ZFP37: variants seen among roughly 807,000 people sequenced by gnomAD.
ZFP37 encodes the protein ZFP37 zinc finger protein, also known as zinc finger protein 37 homolog.
ZFP37 carries 38 observed loss-of-function variants against 52.1 expected under a neutral mutation model. That is an observed-to-expected ratio of 0.73 (90% confidence interval 0.56 to 0.96). The LOEUF (loss-of-function observed/expected upper bound fraction) is 0.96. Ranked by LOEUF, ZFP37 falls within the 40% of genes least tolerant of loss-of-function variation. The probability of loss-of-function intolerance (pLI) is 0.00; values close to 1 mark genes in which losing one functional copy is unlikely to be tolerated. For missense variants in ZFP37, 695 were observed against 741.4 expected (o/e 0.94, Z 0.73); for synonymous variants, 253 against 259.5 (o/e 0.98, Z 0.24).
At position 113,042,770 on chromosome 9, in the gene ZFP37, T is replaced by C. The variant is rs747422532; in HGVS notation, c.1848A>G (p.Leu616=). ...CTGAATGAGTTTTCACATGTTTGGT[T>C]AGGGATGCATTTTGTTTGAAAGTTT... is the stretch of plus-strand genomic sequence containing the variant. The part of the protein sequence containing the change: ...CGKTFKQNAS[L]TKHVKTHSED... The change falls in exon 4 of 4, where the codon CTA becomes CTG. Residue 616 remains leucine, a synonymous_variant. Coordinates refer to ENST00000374227, the MANE Select transcript of ZFP37 (RefSeq NM_003408.3). 8.1e-6 allele frequency: 13 copies of C among 1,603,648 alleles called. No individual in the cohort carries two copies. Among genetic ancestry groups the C allele is most frequent in the Non-Finnish European group, 1.1e-5 (13 of 1,174,940 alleles).
rs750108388 is a variant in ZFP37, at chr9:113,042,890, G to A, written c.1728C>T (p.Asn576=). The A allele has an allele frequency of 2.4e-5, 39 of 1,613,674 alleles. No homozygotes were observed. The highest frequency in any genetic ancestry group is 1.3e-4 in the East Asian group (6 of 44,838). ...TTGCATTAAAGGCTTTTTCACATTCGTTACATTCATAAGGTTTCTCCCCAG... is the reference window on the plus strand; with the variant it reads ...TTGCATTAAAGGCTTTTTCACATTCATTACATTCATAAGGTTTCTCCCCAG... ...THTGEKPYEC[N]ECEKAFNAKS... The change falls in exon 4 of 4, where the codon AAC becomes AAT. Residue 576 remains asparagine (N), a synonymous_variant. Coordinates refer to ENST00000374227, the MANE Select transcript of ZFP37 (RefSeq NM_003408.3).
Position 113,039,049 on chromosome 9 carries a change from A to G in ZFP37, c.*3676T>C, listed in dbSNP as rs1217076055. On this transcript the variant is annotated 3_prime_UTR_variant, in exon 4 of 4. Transcript: ENST00000374227. Reference sequence around the variant, plus strand: ...GTTTGAAATTGTGGTTTTTAATGTCATATTACTCAATTTTTGAAGGAATCA... The same window carrying G: ...GTTTGAAATTGTGGTTTTTAATGTCGTATTACTCAATTTTTGAAGGAATCA... 6.6e-6 allele frequency: 1 copy of G among 152,178 alleles called. No individual in the cohort carries two copies. The highest frequency in any genetic ancestry group is 1.5e-5 in the Non-Finnish European group (1 of 68,018). The allele number at this position is 152,178 out of a possible 1,614,324, so 9.4% of individuals were successfully genotyped here. A position where few individuals can be genotyped will look rare whatever the true frequency, so the allele number is the denominator to read the frequency against.
intron 1 of ZFP37, 152 bp downstream of exon 1, chr9:113,056,405 C>A: frequency 1.5e-6 from 2 of 1,294,308 alleles, no homozygotes; most frequent in Non-Finnish European, 2.1e-6. Context: ...ATTAACCCCA[C>A]AGATAACTCA....
At position 113,043,021 on chromosome 9, in the gene ZFP37, T is replaced by G. The variant is rs2118683357; in HGVS notation, c.1597A>C (p.Thr533Pro). The G allele has an allele frequency of 7.4e-6, 12 of 1,613,804 alleles. No homozygotes were observed. Among genetic ancestry groups the G allele is most frequent in the Non-Finnish European group, 1.0e-5 (12 of 1,179,940 alleles). The stretch of plus-strand genomic sequence containing the variant: ...CCAGTATGAACTCTCTGATGTTGAG[T>G]AAGGCCTTCAATTTGTTTAAAGCCT... ...GKGFKQIEGL[T>P]QHQRVHTGEK... Residue 533 changes from threonine to proline, a missense_variant, in exon 4 of 4, where the codon ACT becomes CCT. By Grantham distance (38) the Thr-to-Pro change is conservative. Around this residue, in one of 2 missense-constraint regions of ZFP37, gnomAD observed 326 missense variants for 400.5 expected, o/e 0.81. Transcript: ENST00000374227.
At chr9:113,055,309 C>G (rs1049502686) in intron 1 of ZFP37, among the ~76,000 whole-genome samples, 5 of 152,160 alleles carry the variant, frequency 3.3e-5, no homozygotes, top group African/African-American at 9.7e-5. Context: ...TCATGCACTC[C>G]CTACCCTCAA....
At chr9:113,053,086 T>C (rs1393278818) in intron 1 of ZFP37, among the ~76,000 whole-genome samples, 1 of 152,196 alleles carries the variant, frequency 6.6e-6, no homozygotes, top group African/African-American at 2.4e-5. Flanking sequence ...CACCTATTCA[T>C]CAATTATCTG....
Position 113,043,948 on chromosome 9 carries a change from T to A in ZFP37, c.670A>T (p.Lys224Ter). ...HSLSDTRKGK[K>*]QTGKKHEKLS... ...TTCTCATGTTTCTTTCCAGTTTGCT[T>A]TTTGCCTTTCCTTGTATCAGATAAG... Residue 224 changes from lysine to a stop codon, truncating the protein, a stop_gained, in exon 4 of 4, where the codon AAG (lysine) becomes TAG (stop). Transcript: ENST00000374227. LOFTEE classifies it high-confidence loss of function. 6.2e-7 allele frequency: 1 copy of A among 1,614,072 alleles called. No individual in the cohort carries two copies. The highest frequency in any genetic ancestry group is 8.5e-7 in the Non-Finnish European group (1 of 1,179,940).
chr9:113,047,321 A>G (rs1487884468), intron 3 of ZFP37, among the ~76,000 whole-genome samples: 1 of 152,222 alleles, frequency 6.6e-6, no homozygotes, highest in East Asian at 1.9e-4. Flanking sequence ...CTCTGGTCTC[A>G]GGGAATTCAT....
intron 1 of ZFP37, among the ~76,000 whole-genome samples, chr9:113,055,891 A>G: frequency 6.6e-6 from 1 of 152,120 alleles, no homozygotes; most frequent in South Asian, 2.1e-4. Flanking sequence ...ACTGCTAGAC[A>G]CCACCTAATT....
chr9:113,056,520 T>C (rs773597889), intron 1 of ZFP37, 37 bp downstream of exon 1: 3 of 1,607,798 alleles, frequency 1.9e-6, no homozygotes, highest in Non-Finnish European at 2.5e-6. Flanking sequence ...ACACCATCTC[T>C]GACCGCCAAA....
rs901093686 is a variant in ZFP37, at chr9:113,041,152, C to G, written c.*1573G>C. The G allele has an allele frequency of 1.3e-5, 2 of 152,110 alleles. No homozygotes were observed. The highest frequency in any genetic ancestry group is 1.9e-4 in the East Asian group (1 of 5,188). The allele number at this position is 152,110 out of a possible 1,614,324, so 9.4% of individuals were successfully genotyped here. On this transcript the variant is annotated 3_prime_UTR_variant, in exon 4 of 4. Transcript: ENST00000374227. ...TTCATTGTGTTGGCTAGTCTGATCT[C>G]AAACTCCTGGCCTCAAGTGATCCAC...
Position 113,049,882 on chromosome 9 carries a change from A to G in ZFP37, c.133-10T>C, listed in dbSNP as rs757250018. 2 of 1,613,936 alleles carry G rather than the reference A, an allele frequency of 1.2e-6. No homozygotes were observed. Among genetic ancestry groups the G allele is most frequent in the African/African-American group, 2.7e-5 (2 of 74,932 alleles). ...CCAGTTGCTTCCATTCCTTCTGGGT[A>G]AAGGCCATAGTCACATGTTTGAATG... On this transcript the variant is annotated splice_polypyrimidine_tract_variant and intron_variant, in intron 1 of 3. Coordinates refer to ENST00000374227, the MANE Select transcript of ZFP37 (RefSeq NM_003408.3).
Position 113,043,238 on chromosome 9 carries a change from G to A in ZFP37, c.1380C>T (p.Pro460=). The A allele has an allele frequency of 6.2e-7, 1 of 1,613,862 alleles. No homozygotes were observed. Among genetic ancestry groups the A allele is most frequent in the Non-Finnish European group, 8.5e-7 (1 of 1,179,956 alleles). The change falls in exon 4 of 4, where the codon CCC becomes CCT. Residue 460 remains proline (P), a synonymous_variant. Coordinates refer to ENST00000374227, the MANE Select transcript of ZFP37 (RefSeq NM_003408.3). ...CTTTCCCACATTCATTACATTCAAAGGGTTTCTCACCTGTATGAATTCTCA... is the reference window on the plus strand; with the variant it reads ...CTTTCCCACATTCATTACATTCAAAAGGTTTCTCACCTGTATGAATTCTCA... ...KHMRIHTGEK[P]FECNECGKAF... is the part of the protein sequence containing the mutation.
intron 3 of ZFP37, among the ~76,000 whole-genome samples, chr9:113,048,832 T>C (rs1188565491): frequency 6.6e-6 from 1 of 152,140 alleles, no homozygotes; most frequent in Non-Finnish European, 1.5e-5. Context: ...TAATAAAATA[T>C]GAGCTGAAAG....
At chr9:113,054,156 T>A (rs371491346) in intron 1 of ZFP37, among the ~76,000 whole-genome samples, 10 of 152,186 alleles carry the variant, frequency 6.6e-5, no homozygotes, top group African/African-American at 2.4e-4. Context: ...TTGAGCTACA[T>A]ACTGACAAAA....
At chr9:113,055,977 T>A (rs1282977603) in intron 1 of ZFP37, among the ~76,000 whole-genome samples, 2 of 151,808 alleles carry the variant, frequency 1.3e-5, no homozygotes, top group African/African-American at 4.8e-5. Context: ...CAGAGACACC[T>A]CAACATTGAC....
In ZFP37 at chr9:113,056,540, C is replaced by G; in HGVS notation, c.132+17G>C. 1 of 1,612,290 alleles carries G rather than the reference C, an allele frequency of 6.2e-7. No homozygotes were observed. The highest frequency in any genetic ancestry group is 1.7e-5 in the Admixed American group (1 of 60,020). On this transcript the variant is annotated intron_variant, in intron 1 of 3. Coordinates refer to ENST00000374227, the MANE Select transcript of ZFP37 (RefSeq NM_003408.3). ...ATCTCTGACCGCCAAAACACCCTGT[C>G]TCATCACAGCTCTCACCGCGGCGCT...
chr9:113,049,400 C>G lies in ZFP37; in HGVS notation c.311G>C (p.Ser104Thr), dbSNP rs1006513721. ...KGKRPSQGCP[S>T]KIARPKQKET... Reference sequence around the variant, plus strand: ...TTTTTGCTTGGGTCTTGCTATTTTACTTGGACAACCTTGACTGGGTCTTTT... The same window carrying G: ...TTTTTGCTTGGGTCTTGCTATTTTAGTTGGACAACCTTGACTGGGTCTTTT... The change falls in exon 3 of 4, where the codon AGT (serine) becomes ACT (threonine). Residue 104 changes from serine to threonine, a missense_variant. Physicochemically the swap from Ser to Thr is moderately conservative, Grantham distance 58 (BLOSUM62 1). Around this residue, in one of 2 missense-constraint regions of ZFP37, gnomAD observed 369 missense variants for 340.9 expected, o/e 1.08. Coordinates refer to ENST00000374227, the MANE Select transcript of ZFP37 (RefSeq NM_003408.3). 6.2e-7 allele frequency: 1 copy of G among 1,613,976 alleles called. No individual in the cohort carries two copies. Among genetic ancestry groups the G allele is most frequent in the Non-Finnish European group, 8.5e-7 (1 of 1,179,990 alleles).
intron 1 of ZFP37, among the ~76,000 whole-genome samples, chr9:113,054,271 C>T (rs1184433008): frequency 1.3e-5 from 2 of 152,180 alleles, no homozygotes; most frequent in Non-Finnish European, 2.9e-5. Flanking sequence ...TTGACACCCA[C>T]TTGCACAGTT....
Sources: gnomAD v4.1 joint callset for allele counts (sites outside exome capture counted in the v4.1 genomes callset) on GRCh38, gnomAD v4.1.1 for gene constraint, gnomAD v4.1.1 regional missense constraint, MANE v1.5 for transcripts, NCBI Gene and HGNC (gene_info 2026-07-23, HGNC 2026-07-21) for gene names.